Variants in VCAN observed in about 807,000 individuals in gnomAD.
VCAN encodes versican core protein.
VCAN carries 44 observed loss-of-function variants against 245.5 expected under a neutral mutation model. That is an observed-to-expected ratio of 0.18 (90% CI 0.14 to 0.23). The LOEUF (loss-of-function observed/expected upper bound fraction) is 0.23. Ranked by LOEUF, VCAN falls within the 10% of genes least tolerant of loss-of-function variation. The pLI is 1.00. For synonymous variants in VCAN, 1,413 were observed against 1,437.0 expected, an observed-to-expected ratio of 0.98 and a Z score of 0.38; for missense variants, 3,793 against 4,057.9, an observed-to-expected ratio of 0.93 and a Z score of 1.77.
At position 83,520,584 on chromosome 5, in the gene VCAN, C is replaced by A. The variant is rs146499191; in HGVS notation, c.2278C>A (p.Pro760Thr). 89 of 1,613,870 alleles carry A rather than the reference C, an allele frequency of 5.5e-5. No individual in the cohort carries two copies. Among genetic ancestry groups the A allele is most frequent in the Non-Finnish European group, 7.1e-5 (84 of 1,179,974 alleles). ...PTLITKLSAE[P>T]TEVRDMEEDF... ...ATTGATAACAAAGTTAAGTGCAGAGCCAACAGAAGTAAGAGATATGGAGGA... is the reference window on the plus strand; with the variant it reads ...ATTGATAACAAAGTTAAGTGCAGAGACAACAGAAGTAAGAGATATGGAGGA... The change falls in exon 7 of 15, where the codon CCA (proline) becomes ACA (threonine). Residue 760 changes from proline to threonine, a missense_variant. By Grantham distance (38) the Pro-to-Thr change is conservative (BLOSUM62 -1). Around this residue, in one of 5 missense-constraint regions of VCAN, gnomAD observed 3,182 missense variants for 3,250.3 expected, o/e 0.98. Transcript: ENST00000265077.
At chr5:83,550,612 C>A (rs1747422964) in intron 10 of VCAN, among the ~76,000 whole-genome samples, 2 of 152,138 alleles carry the variant, frequency 1.3e-5, no homozygotes, top group South Asian at 4.1e-4. Flanking sequence ...AGTGGCCAGG[C>A]ATGGTGGCTT....
intron 1 of VCAN, among the ~76,000 whole-genome samples, chr5:83,479,871 A>C (rs976804570): frequency 6.6e-6 from 1 of 152,158 alleles, no homozygotes; most frequent in Non-Finnish European, 1.5e-5. Context: ...TGTAGAAATA[A>C]ATGATCATCT....
intron 12 of VCAN, among the ~76,000 whole-genome samples, chr5:83,560,292 C>T (rs560286824): frequency 6.6e-6 from 1 of 151,766 alleles, no homozygotes; most frequent in African/African-American, 2.4e-5. Flanking sequence ...TTTTTTTTTC[C>T]AGATAGGCAC....
chr5:83,483,851 CAT>C (rs1479562326), intron 2 of VCAN, among the ~76,000 whole-genome samples: 1 of 152,130 alleles, frequency 6.6e-6, no homozygotes, highest in African/African-American at 2.4e-5. Context: ...CAAAAAAGCT[CAT>C]ATATGGTATT....
rs1484089729 is a variant in VCAN at position 83,512,156 on chromosome 5, A to G, written c.802A>G (p.Lys268Glu). The G allele has an allele frequency of 6.2e-7, 1 of 1,614,124 alleles. No homozygotes were observed. Residue 268 changes from lysine (K) to glutamate (E), a missense_variant, in exon 6 of 15, where the codon AAA (lysine) becomes GAA (glutamate). This residue lies in a region of VCAN where 190 missense variants were observed against 288.6 expected (regional missense o/e 0.66). Transcript: ENST00000265077. ...TAAATTCACCTTCGAGGAGGCTGCAAAAGAGTGTGAAAACCAGGATGCCAG... is the reference window on the plus strand; with the variant it reads ...TAAATTCACCTTCGAGGAGGCTGCAGAAGAGTGTGAAAACCAGGATGCCAG... Reference protein sequence around the residue: ...PSKFTFEEAAKECENQDARLA... With the variant: ...PSKFTFEEAAEECENQDARLA...
At chr5:83,477,261 T>C (rs1378140022) in intron 1 of VCAN, among the ~76,000 whole-genome samples, 1 of 152,172 alleles carries the variant, frequency 6.6e-6, no homozygotes, top group Non-Finnish European at 1.5e-5. Context: ...ATAACTGCAT[T>C]ACCCAAGCCA....
At chr5:83,533,861 G>C (rs1446243525) in intron 7 of VCAN, among the ~76,000 whole-genome samples, 1 of 152,168 alleles carries the variant, frequency 6.6e-6, no homozygotes, top group African/African-American at 2.4e-5. Flanking sequence ...TGACCTAAAA[G>C]AATATTATAC....
At chr5:83,569,590 A>T (rs1024648807) in intron 12 of VCAN, among the ~76,000 whole-genome samples, 2 of 152,192 alleles carry the variant, frequency 1.3e-5, no homozygotes, top group African/African-American at 4.8e-5. Context: ...GTTATGAAGA[A>T]AAAGAAATTA....
rs1746125105 is a variant in VCAN at position 83,522,003 on chromosome 5, C to T, written c.3697C>T (p.Pro1233Ser). 2 of 1,614,176 alleles carry T rather than the reference C, an allele frequency of 1.2e-6. No homozygotes were observed. The highest frequency in any genetic ancestry group is 1.7e-6 in the Non-Finnish European group (2 of 1,180,016). ...GCCATCTTCCGCGATCACTAAGAAACCACCTCTCATCGACAGGGAACCTGG... is the reference window on the plus strand; with the variant it reads ...GCCATCTTCCGCGATCACTAAGAAATCACCTCTCATCGACAGGGAACCTGG... ...FKPSSAITKKPPLIDREPGEE... is the reference protein window; with the variant it reads ...FKPSSAITKKSPLIDREPGEE... Residue 1233 changes from proline (P) to serine (S), a missense_variant, in exon 7 of 15, where the codon CCA (proline) becomes TCA (serine). Pro to Ser is a moderately conservative substitution (Grantham distance 74). This residue lies in a region of VCAN where 3,182 missense variants were observed against 3,250.3 expected (regional missense o/e 0.98). Transcript: ENST00000265077.
chr5:83,563,054 C>T (rs1747932952), intron 12 of VCAN, among the ~76,000 whole-genome samples: 1 of 152,136 alleles, frequency 6.6e-6, no homozygotes, highest in South Asian at 2.1e-4. Flanking sequence ...GTTAGTTTTT[C>T]TTCCCTTCAG....
chr5:83,518,863 CT>C (rs1469470692), intron 6 of VCAN, among the ~76,000 whole-genome samples: 1 of 152,140 alleles, frequency 6.6e-6, no homozygotes, highest in Non-Finnish European at 1.5e-5. Context: ...ACCCTCTCCC[CT>C]GAGATAATAT....
chr5:83,569,063 A>G (rs924781618), intron 12 of VCAN, among the ~76,000 whole-genome samples: 11 of 152,136 alleles, frequency 7.2e-5, no homozygotes, highest in African/African-American at 2.7e-4. Flanking sequence ...ATAATATTCT[A>G]TTTGTCTGGC....
chr5:83,511,439 C>CTGG (rs1745653561), intron 5 of VCAN, among the ~76,000 whole-genome samples: 1 of 152,170 alleles, frequency 6.6e-6, no homozygotes, highest in Admixed American at 6.5e-5. Context: ...CACACTGGGC[C>CTGG]TGGTGCTCCT....
Position 83,512,233 on chromosome 5 carries a change from G to A in VCAN, c.879G>A (p.Gln293=). 2.5e-6 allele frequency: 4 copies of A among 1,614,196 alleles called. No individual in the cohort carries two copies. Among genetic ancestry groups the A allele is most frequent in the Non-Finnish European group, 3.4e-6 (4 of 1,180,040 alleles). ...LQAAWRNGFD[Q]CDYGWLSDAS... ...CGGCATGGAGGAACGGCTTTGACCA[G>A]TGCGATTACGGGTGGCTGTCGGATG... is the stretch of plus-strand genomic sequence containing the variant. Residue 293 remains glutamine, a synonymous_variant, in exon 6 of 15, where the codon CAG becomes CAA. Coordinates refer to ENST00000265077, the MANE Select transcript of VCAN (RefSeq NM_004385.5).
At chr5:83,485,722 T>A (rs1169720742) in intron 2 of VCAN, among the ~76,000 whole-genome samples, 1 of 152,014 alleles carries the variant, frequency 6.6e-6, no homozygotes, top group Non-Finnish European at 1.5e-5. Flanking sequence ...AGTGAGGACA[T>A]GAGAGGAGTC....
At chr5:83,573,190 TC>T (rs1318607713) in intron 13 of VCAN, among the ~76,000 whole-genome samples, 1 of 152,074 alleles carries the variant, frequency 6.6e-6, no homozygotes, top group Non-Finnish European at 1.5e-5. Flanking sequence ...GAGCCACCGC[TC>T]CTGACCGACT....
At chr5:83,545,787 C>G in intron 9 of VCAN, 137 bp downstream of exon 9, 4 of 781,518 alleles carry the variant, frequency 5.1e-6, no homozygotes, top group Non-Finnish European at 8.9e-6. Context: ...AAGTTAAAAT[C>G]TGAGGGTAAT....
intron 12 of VCAN, 151 bp downstream of exon 12, chr5:83,555,189 T>C: frequency 1.3e-6 from 1 of 751,918 alleles, no homozygotes; most frequent in Non-Finnish European, 2.3e-6. Context: ...GTTAGAAGAG[T>C]TCCAAGCTAC....
Position 83,538,798 on chromosome 5 carries a change from A to C in VCAN, c.5795A>C (p.Glu1932Ala), listed in dbSNP as rs949991823. Residue 1932 changes from glutamate (E) to alanine (A), a missense_variant, in exon 8 of 15, where the codon GAA becomes GCA. By Grantham distance (107) the Glu-to-Ala change is moderately radical (BLOSUM62 -1). Coordinates refer to ENST00000265077, the MANE Select transcript of VCAN (RefSeq NM_004385.5). ...RGFSTGFPLE[E>A]DFSGDFREYS... ...TTTTCCACAGGTTTTCCTTTGGAGGAAGATTTCAGTGGTGACTTTAGAGAA... is the reference window on the plus strand; with the variant it reads ...TTTTCCACAGGTTTTCCTTTGGAGGCAGATTTCAGTGGTGACTTTAGAGAA... 6.2e-7 allele frequency: 1 copy of C among 1,613,828 alleles called. No individual in the cohort carries two copies. The highest frequency in any genetic ancestry group is 1.3e-5 in the African/African-American group (1 of 74,898).
Sources: gnomAD v4.1 joint callset for allele counts (sites outside exome capture counted in the v4.1 genomes callset) on GRCh38, gnomAD v4.1.1 for gene constraint, gnomAD v4.1.1 regional missense constraint, MANE v1.5 for transcripts, NCBI Gene and HGNC (gene_info 2026-07-23, HGNC 2026-07-21) for gene names.